KIAA0825: variants seen among roughly 807,000 people sequenced by gnomAD.
KIAA0825 encodes the protein uncharacterized protein KIAA0825.
In KIAA0825, 119 loss-of-function variants were observed where a neutral mutation model predicts 147.6. That is an observed-to-expected ratio of 0.81 (90% confidence interval 0.69 to 0.94). The LOEUF is 0.94. Ranked by LOEUF, KIAA0825 falls within the 40% of genes least tolerant of loss-of-function variation. The pLI, the probability that KIAA0825 is intolerant of heterozygous loss-of-function variation, is 0.00. For synonymous variants in KIAA0825, 470 were observed against 518.1 expected (o/e 0.91, Z 1.26); for missense variants, 1,381 against 1,472.7 (o/e 0.94, Z 1.02).
intron 14 of KIAA0825, among the ~76,000 whole-genome samples, chr5:94,433,322 C>T (rs781190992): frequency 1.4e-4 from 22 of 152,166 alleles, no homozygotes; most frequent in Non-Finnish European, 2.4e-4. Flanking sequence ...CCACCGTGCC[C>T]GGCGATTCAT....
chr5:94,503,525 C>T (rs893266453), intron 5 of KIAA0825, among the ~76,000 whole-genome samples: 19 of 152,094 alleles, frequency 1.2e-4, no homozygotes, highest in East Asian at 1.9e-4. Flanking sequence ...TTGACTGAGA[C>T]GGCCCCTGGT....
intron 14 of KIAA0825, among the ~76,000 whole-genome samples, chr5:94,418,570 C>T (rs1262475838): frequency 1.4e-5 from 2 of 147,344 alleles, no homozygotes; most frequent in Non-Finnish European, 3.0e-5. Flanking sequence ...CAGACCATAA[C>T]ATATTGCATC....
At chr5:94,298,964 C>A (rs1392259122) in intron 20 of KIAA0825, among the ~76,000 whole-genome samples, 1 of 152,136 alleles carries the variant, frequency 6.6e-6, no homozygotes, top group Non-Finnish European at 1.5e-5. Context: ...AGGTAACCCT[C>A]AATTCGCACT....
Position 94,391,651 on chromosome 5 carries a change from C to T in KIAA0825, c.3340G>A (p.Asp1114Asn). 6.4e-7 allele frequency: 1 copy of T among 1,550,944 alleles called. No individual in the cohort carries two copies. The highest frequency in any genetic ancestry group is 8.7e-7 in the Non-Finnish European group (1 of 1,146,580). Residue 1114 changes from aspartate (D) to asparagine (N), a missense_variant, in exon 18 of 21, where the codon GAT becomes AAT. Asp to Asn is a conservative substitution (Grantham distance 23). Coordinates refer to ENST00000682413, the MANE Select transcript of KIAA0825 (RefSeq NM_001145678.3). ...TGCTCAGTCAGTTCAAGAGCAACATCTCCTTCTTGTAAGGCCGTGCTTTTC... is the reference window on the plus strand; with the variant it reads ...TGCTCAGTCAGTTCAAGAGCAACATTTCCTTCTTGTAAGGCCGTGCTTTTC... ...IEKSTALQEGDVALELTEQKI... is the reference protein window; with the variant it reads ...IEKSTALQEGNVALELTEQKI...
rs1766611869 is a variant in KIAA0825, at chr5:94,152,841, AAAAAAAAAAAAAAATTATATAT to A, written c.*1144_*1165del. 4 of 33,854 alleles carry A rather than the reference AAAAAAAAAAAAAAATTATATAT, an allele frequency of 1.2e-4. No individual in the cohort carries two copies. The highest frequency in any genetic ancestry group is 1.2e-4 in the Non-Finnish European group (2 of 17,192). 2.1% of individuals were successfully genotyped at this position (33,854 alleles called of 1,614,324 possible). On this transcript the variant is annotated 3_prime_UTR_variant, in exon 21 of 21. Coordinates refer to ENST00000682413, the MANE Select transcript of KIAA0825 (RefSeq NM_001145678.3). Reference sequence around the variant, plus strand: ...AAAATGAAAAAAAAAAAAAAAAAAAAAAAAAAAAAAAAAATTATATATATATATATATATATATATATATATA... The same window carrying A: ...AAAATGAAAAAAAAAAAAAAAAAAAAATATATATATATATATATATATATA...
intron 2 of KIAA0825, among the ~76,000 whole-genome samples, chr5:94,541,733 T>C (rs912810984): frequency 2.6e-5 from 4 of 152,230 alleles, no homozygotes; most frequent in African/African-American, 9.6e-5. Flanking sequence ...TGATTAAGAT[T>C]GAATACATTT....
At chr5:94,320,252 C>G (rs889493780) in intron 20 of KIAA0825, among the ~76,000 whole-genome samples, 2 of 151,912 alleles carry the variant, frequency 1.3e-5, no homozygotes, top group Non-Finnish European at 2.9e-5. Context: ...TATTTTGTTA[C>G]ATGCATAGAA....
chr5:94,423,361 T>A (rs1933000616), intron 14 of KIAA0825, among the ~76,000 whole-genome samples: 1 of 152,174 alleles, frequency 6.6e-6, no homozygotes, highest in African/African-American at 2.4e-5. Flanking sequence ...CAAACAAATG[T>A]CTTCTCAATA....
chr5:94,246,134 A>C (rs1775598973), intron 20 of KIAA0825, among the ~76,000 whole-genome samples: 1 of 152,162 alleles, frequency 6.6e-6, no homozygotes, highest in African/African-American at 2.4e-5. Context: ...AGAACATTTT[A>C]TTGTTTTGAT....
At chr5:94,412,305 C>T (rs570384454) in intron 15 of KIAA0825, among the ~76,000 whole-genome samples, 20 of 152,280 alleles carry the variant, frequency 1.3e-4, no homozygotes, top group African/African-American at 4.6e-4. Context: ...AAGACAATCT[C>T]AAGTGTTGAC....
At chr5:94,213,036 A>G (rs1296412971) in intron 20 of KIAA0825, among the ~76,000 whole-genome samples, 2 of 152,192 alleles carry the variant, frequency 1.3e-5, no homozygotes, top group African/African-American at 4.8e-5. Context: ...GCTCTATGAA[A>G]TAGGTAATAT....
At chr5:94,279,319 G>T (rs1190997615) in intron 20 of KIAA0825, among the ~76,000 whole-genome samples, 2 of 152,016 alleles carry the variant, frequency 1.3e-5, no homozygotes, top group African/African-American at 4.8e-5. Context: ...GAGAGGTTTG[G>T]AAGTCTAGCT....
At chr5:94,377,204 G>T (rs1747708521) in intron 20 of KIAA0825, among the ~76,000 whole-genome samples, 2 of 152,200 alleles carry the variant, frequency 1.3e-5, no homozygotes, top group African/African-American at 4.8e-5. Flanking sequence ...GTGACAGCCA[G>T]AAATCTGCCT....
chr5:94,282,804 T>C lies in KIAA0825; in HGVS notation c.3710+101564A>G, dbSNP rs115761254. On this transcript the variant is annotated intron_variant, in intron 20 of 20. Transcript: ENST00000682413. Reference sequence around the variant, plus strand: ...TAACTTTGACTTTAATTTTCAGATATACAGAAAGCCAATTTCAGGGTATAC... The same window carrying C: ...TAACTTTGACTTTAATTTTCAGATACACAGAAAGCCAATTTCAGGGTATAC... Among the ~76,000 whole-genome samples, 946 of 152,032 alleles carry C rather than the reference T, an allele frequency of 6.2e-3. 10 individuals carry two copies. The highest frequency in any genetic ancestry group is 0.022 in the African/African-American group (914 of 41,510).
chr5:94,519,852 C>T, intron 5 of KIAA0825: 2 of 601,984 alleles, frequency 3.3e-6, no homozygotes, highest in Admixed American at 6.3e-5. Flanking sequence ...ATATATATAA[C>T]TGAGTATATG....
intron 20 of KIAA0825, among the ~76,000 whole-genome samples, chr5:94,177,786 C>A (rs1769241346): frequency 6.6e-6 from 1 of 152,066 alleles, no homozygotes; most frequent in Admixed American, 6.6e-5. Flanking sequence ...GAACAGATAA[C>A]TGAATAAAAT....
At chr5:94,321,648 T>A (rs1780211629) in intron 20 of KIAA0825, among the ~76,000 whole-genome samples, 1 of 151,976 alleles carries the variant, frequency 6.6e-6, no homozygotes, top group African/African-American at 2.4e-5. Context: ...AGTTTTCATA[T>A]GCAACAGATT....
At chr5:94,214,944 A>G (rs1773070320) in intron 20 of KIAA0825, among the ~76,000 whole-genome samples, 1 of 152,248 alleles carries the variant, frequency 6.6e-6, no homozygotes, top group Non-Finnish European at 1.5e-5. Flanking sequence ...ATGAAATGCA[A>G]CATTTGGTCA....
chr5:94,445,028 C>T (rs952742746), intron 13 of KIAA0825, among the ~76,000 whole-genome samples: 5 of 152,168 alleles, frequency 3.3e-5, no homozygotes, highest in African/African-American at 4.8e-5. Context: ...ACGGCAGCAA[C>T]GCTAATCTAG....
Sources: allele counts gnomAD v4.1 joint callset (sites outside exome capture counted in the v4.1 genomes callset), GRCh38; gene constraint gnomAD v4.1.1; transcripts MANE v1.5; gene names NCBI Gene and HGNC (gene_info 2026-07-23, HGNC 2026-07-21).